GORASP1: variants seen among roughly 807,000 people sequenced by gnomAD.
GORASP1 encodes the protein golgi reassembly stacking protein 1, also known as Golgi reassembly-stacking protein 1.
Under a neutral mutation model 37.7 loss-of-function variants are expected in GORASP1, and 31 were observed. That is an observed-to-expected ratio of 0.82 (90% CI 0.62 to 1.11). GORASP1 has a LOEUF of 1.11. Among genes scored for constraint, GORASP1 ranks in the 50% least tolerant of loss-of-function variants. The probability of loss-of-function intolerance (pLI) is 0.00; values close to 1 mark genes in which losing one functional copy is unlikely to be tolerated. For synonymous variants in GORASP1, 204 were observed against 224.8 expected, an observed-to-expected ratio of 0.91 and a Z score of 0.83; for missense variants, 476 against 560.7, an observed-to-expected ratio of 0.85 and a Z score of 1.53.
chr3:39,099,069 GGAAA>G, intron 7 of GORASP1, 176 bp from the exon 8 acceptor site: 1 of 863,138 alleles, frequency 1.2e-6, no homozygotes, highest in Non-Finnish European at 1.9e-6. Context: ...CTGTTTCTGA[GGAAA>G]GAAAGGGGCC....
chr3:39,102,497 T>G lies in GORASP1; in HGVS notation c.348+181A>C. ...GCAAGATACACTGTTCAGGTAGTAATGAGCTGCCCTCTCTGGGACACTGGA... is the reference window on the plus strand; with the variant it reads ...GCAAGATACACTGTTCAGGTAGTAAGGAGCTGCCCTCTCTGGGACACTGGA... On this transcript the variant is annotated intron_variant, in intron 3 of 8. Coordinates refer to ENST00000319283, the MANE Select transcript of GORASP1 (RefSeq NM_031899.4). This position sits in a 1 kb window ranked among gnomAD's most constrained non-coding sequence, Gnocchi z 5.0. The G allele has an allele frequency of 3.1e-6, 2 of 644,348 alleles. No individual in the cohort carries two copies. The highest frequency in any genetic ancestry group is 5.5e-6 in the Non-Finnish European group (2 of 360,612). The allele number at this position is 644,348 out of a possible 1,614,324, so 39.9% of individuals were successfully genotyped here.
At position 39,106,513 on chromosome 3, in the gene GORASP1, T is replaced by C. The variant is rs919210840; in HGVS notation, c.63+966A>G. Among the ~76,000 whole-genome samples the C allele has an allele frequency of 3.3e-5, 5 of 152,264 alleles. No homozygotes were observed. The East Asian group carries it at 9.7e-4, about 29-fold the overall frequency. On this transcript the variant is annotated intron_variant, in intron 1 of 8. Transcript: ENST00000319283. ...CTGGGTTCTCCAAGCCAGCCTGGTTTTCACGTTAAGAAACTTTTAGCCCTC... is the reference window on the plus strand; with the variant it reads ...CTGGGTTCTCCAAGCCAGCCTGGTTCTCACGTTAAGAAACTTTTAGCCCTC...
At chr3:39,101,334 T>C in intron 3 of GORASP1, 1 of 606,224 alleles carries the variant, frequency 1.6e-6, no homozygotes, top group Admixed American at 2.6e-5. Flanking sequence ...CACCAGGCTC[T>C]GGAATCTGAC....
In GORASP1 at chr3:39,103,375, A is replaced by G. The variant is rs2035840412; in HGVS notation, c.144+98T>C. 1 of 899,108 alleles carries G rather than the reference A, an allele frequency of 1.1e-6. No homozygotes were observed. The highest frequency in any genetic ancestry group is 2.5e-5 in the East Asian group (1 of 40,630). 55.7% of individuals were successfully genotyped at this position (899,108 alleles called of 1,614,324 possible). ...ACAGGGCTGGGACTCCCTTTAGAAA[A>G]AAAGGGAGGGAAGGGTAGACTGGGG... On this transcript the variant is annotated intron_variant, in intron 2 of 8. Coordinates refer to ENST00000319283, the MANE Select transcript of GORASP1 (RefSeq NM_031899.4). This position sits in a 1 kb window ranked among gnomAD's most constrained non-coding sequence, Gnocchi z 5.2.
In GORASP1 at chr3:39,100,619, G is replaced by T; in HGVS notation, c.567-116C>A. 1 of 1,472,874 alleles carries T rather than the reference G, an allele frequency of 6.8e-7. No homozygotes were observed. The highest frequency in any genetic ancestry group is 9.2e-7 in the Non-Finnish European group (1 of 1,091,498). The allele number at this position is 1,472,874 out of a possible 1,614,324, so 91.2% of individuals were successfully genotyped here. On this transcript the variant is annotated intron_variant, in intron 5 of 8. Transcript: ENST00000319283. The surrounding 1 kb of genome is among the most constrained non-coding windows in gnomAD (Gnocchi z 4.6). ...CTGAAAAGGGTACTTCTGAAATACC[G>T]GTCAGCCTCAGGATCCCTGGGCCCA... is the stretch of plus-strand genomic sequence containing the variant.
Position 39,096,966 on chromosome 3 carries a change from C to T in GORASP1, c.*1270G>A, listed in dbSNP as rs1436962854. 2.6e-5 allele frequency: 4 copies of T among 152,254 alleles called. No homozygotes were observed. The highest frequency in any genetic ancestry group is 9.7e-5 in the African/African-American group (4 of 41,438). 9.4% of individuals were successfully genotyped at this position (152,254 alleles called of 1,614,324 possible). A position where few individuals can be genotyped will look rare whatever the true frequency, so the allele number is the denominator to read the frequency against. ...TTCCAGCAGACTTGACACTGGGCTC[C>T]CAGACGATCCAGGACACAATGCCTC... On this transcript the variant is annotated 3_prime_UTR_variant, in exon 9 of 9. Transcript: ENST00000319283.
At position 39,100,549 on chromosome 3, in the gene GORASP1, C is replaced by T. The variant is rs1308132635; in HGVS notation, c.567-46G>A. ...TCAATCCAGGGGCTTGTCCCACGGC[C>T]CTCCCTACCTTTGCTATCCCCACCT... On this transcript the variant is annotated intron_variant, in intron 5 of 8. Transcript: ENST00000319283. The surrounding 1 kb of genome is among the most constrained non-coding windows in gnomAD (Gnocchi z 4.6). 1.3e-6 allele frequency: 2 copies of T among 1,518,508 alleles called. No individual in the cohort carries two copies. Among genetic ancestry groups the T allele is most frequent in the Non-Finnish European group, 1.8e-6 (2 of 1,133,144 alleles). 94.1% of individuals were successfully genotyped at this position (1,518,508 alleles called of 1,614,324 possible). A position where few individuals can be genotyped will look rare whatever the true frequency, so the allele number is the denominator to read the frequency against.
rs989270413 is a variant in GORASP1 at position 39,101,356 on chromosome 3, C to T, written c.349-254G>A. ...CTCTGGAATCTGACCCCGGGCTCAA[C>T]CCCTGGCTCCAGCTGCCCAGCTATA... On this transcript the variant is annotated intron_variant, in intron 3 of 8. Coordinates refer to ENST00000319283, the MANE Select transcript of GORASP1 (RefSeq NM_031899.4). 1.8e-5 allele frequency: 11 copies of T among 598,068 alleles called. No individual in the cohort carries two copies. The Admixed American group carries it at 2.3e-4, about 12-fold the overall frequency. 37.0% of individuals were successfully genotyped at this position (598,068 alleles called of 1,614,324 possible). A position where few individuals can be genotyped will look rare whatever the true frequency, so the allele number is the denominator to read the frequency against.
chr3:39,107,327 G>T, intron 1 of GORASP1, 152 bp downstream of exon 1: 2 of 487,156 alleles, frequency 4.1e-6, no homozygotes, highest in South Asian at 7.0e-5. Context: ...CTCCCAGGAG[G>T]CTCCCACCGG....
intron 6 of GORASP1, among the ~76,000 whole-genome samples, 178 bp from the exon 7 acceptor site, chr3:39,099,681 G>A (rs181370388): frequency 1.3e-5 from 2 of 152,188 alleles, no homozygotes; most frequent in African/African-American, 4.8e-5. Flanking sequence ...AGTCAGGCCT[G>A]AGGGGCCTGG....
In GORASP1 at chr3:39,099,403, A is replaced by G. The variant is rs771912509; in HGVS notation, c.866T>C (p.Met289Thr). The G allele has an allele frequency of 6.2e-7, 1 of 1,613,482 alleles. No homozygotes were observed. The highest frequency in any genetic ancestry group is 8.5e-7 in the Non-Finnish European group (1 of 1,179,754). Residue 289 changes from methionine to threonine, a missense_variant, in exon 7 of 9, where the codon ATG becomes ACG. By Grantham distance (81) the Met-to-Thr change is moderately conservative. Coordinates refer to ENST00000319283, the MANE Select transcript of GORASP1 (RefSeq NM_031899.4). ...AGGTGGGGGCTGAAGAGGAGTCTCC[A>G]TGAAATGGGGAAGTCCATCAGGGTC... ...APDPDGLPHF[M>T]ETPLQPPPPV...
In GORASP1 at chr3:39,107,481, C is replaced by A. The variant is rs762460573; in HGVS notation, c.61G>T (p.Gly21Trp). Residue 21 changes from glycine to tryptophan, a missense_variant and splice_region_variant, in exon 1 of 9, where the codon GGG becomes TGG. Gly to Trp is a radical substitution (Grantham distance 184). Transcript: ENST00000319283. The part of the protein sequence containing the change: ...AGGAEGFHLH[G>W]VQENSPAQQA... ...CCGGCGCCGCGGCGGCAACTCACCC[C>A]GTGGAGGTGGAAGCCCTCGGCGCCG... is the stretch of plus-strand genomic sequence containing the variant. 2 of 1,428,732 alleles carry A rather than the reference C, an allele frequency of 1.4e-6. No individual in the cohort carries two copies. Among genetic ancestry groups the A allele is most frequent in the Non-Finnish European group, 1.8e-6 (2 of 1,097,808 alleles). The allele number at this position is 1,428,732 out of a possible 1,614,324, so 88.5% of individuals were successfully genotyped here. A position where few individuals can be genotyped will look rare whatever the true frequency, so the allele number is the denominator to read the frequency against.
In GORASP1 at chr3:39,098,358, C is replaced by T; in HGVS notation, c.1201G>A (p.Gly401Arg). 6.2e-7 allele frequency: 1 copy of T among 1,614,190 alleles called. No homozygotes were observed. Among genetic ancestry groups the T allele is most frequent in the African/African-American group, 1.3e-5 (1 of 75,046 alleles). Residue 401 changes from glycine (G) to arginine (R), a missense_variant, in exon 9 of 9, where the codon GGG (glycine) becomes AGG (arginine). Gly to Arg is a moderately radical substitution (Grantham distance 125). Transcript: ENST00000319283. The surrounding 1 kb of genome is among the most constrained non-coding windows in gnomAD (Gnocchi z 4.7). The part of the protein sequence containing the change: ...SLTSAASPED[G>R]LSAELLEAQA... ...GCTTCAAGCAGCTCGGCGGACAGCC[C>T]ATCTTCTGGTGAGGCTGCAGAGGTG...
Position 39,100,427 on chromosome 3 carries a change from C to T in GORASP1, c.643G>A (p.Gly215Ser). The T allele has an allele frequency of 6.2e-7, 1 of 1,612,324 alleles. No homozygotes were observed. The highest frequency in any genetic ancestry group is 8.5e-7 in the Non-Finnish European group (1 of 1,179,004). ...GGTAGAGCAGAAGGTGGTGGGGTGC[C>T]AGGTGGCTTCTTGTGGTAGCTGGGG... ...QPPSYHKKPPGTPPPSALPLG... is the reference protein window; with the variant it reads ...QPPSYHKKPPSTPPPSALPLG... Residue 215 changes from glycine to serine, a missense_variant, in exon 6 of 9, where the codon GGC becomes AGC. By Grantham distance (56) the Gly-to-Ser change is moderately conservative. Transcript: ENST00000319283. The surrounding 1 kb of genome is among the most constrained non-coding windows in gnomAD (Gnocchi z 4.6).
At chr3:39,107,125 G>A (rs772073152) in intron 1 of GORASP1, 7 of 494,024 alleles carry the variant, frequency 1.4e-5, no homozygotes, top group Non-Finnish European at 2.4e-5. Context: ...CGGCAGGCGA[G>A]CGTAAATGTG....
At chr3:39,107,432 G>A (rs1202694729) in intron 1 of GORASP1, 47 bp downstream of exon 1, 11 of 1,235,148 alleles carry the variant, frequency 8.9e-6, no homozygotes, top group African/African-American at 1.6e-5. Flanking sequence ...CGGGCGCGGG[G>A]TTGCGGGCGC....
At position 39,102,021 on chromosome 3, in the gene GORASP1, G is replaced by A. The variant is rs2035751237; in HGVS notation, c.348+657C>T. ...TATATTTACAGTCACATTGCTTAAT[G>A]ACAGGGATATATTCTGAGAAATGCA... On this transcript the variant is annotated intron_variant, in intron 3 of 8. Coordinates refer to ENST00000319283, the MANE Select transcript of GORASP1 (RefSeq NM_031899.4). This position sits in a 1 kb window ranked among gnomAD's most constrained non-coding sequence, Gnocchi z 5.0. Among the ~76,000 whole-genome samples, 2 of 152,152 alleles carry A rather than the reference G, an allele frequency of 1.3e-5. No individual in the cohort carries two copies. Among genetic ancestry groups the A allele is most frequent in the South Asian group, 4.1e-4 (2 of 4,836 alleles).
chr3:39,107,584 C>T lies in GORASP1; in HGVS notation c.-43G>A. 1 of 1,472,828 alleles carries T rather than the reference C, an allele frequency of 6.8e-7. No homozygotes were observed. The highest frequency in any genetic ancestry group is 9.0e-7 in the Non-Finnish European group (1 of 1,116,062). 91.2% of individuals were successfully genotyped at this position (1,472,828 alleles called of 1,614,324 possible). ...GCACCCAGGTCCAGTCCCGCTGCGC[C>T]TACCCGGACCGACCCGACGCCAGTA... On this transcript the variant is annotated 5_prime_UTR_variant, in exon 1 of 9. Transcript: ENST00000319283.
rs1352408376 is a variant in GORASP1, at chr3:39,102,491, T to C, written c.348+187A>G. The C allele has an allele frequency of 1.6e-6, 1 of 633,334 alleles. No homozygotes were observed. 39.2% of individuals were successfully genotyped at this position (633,334 alleles called of 1,614,324 possible). ...CAGGAAGCAAGATACACTGTTCAGG[T>C]AGTAATGAGCTGCCCTCTCTGGGAC... On this transcript the variant is annotated intron_variant, in intron 3 of 8. Coordinates refer to ENST00000319283, the MANE Select transcript of GORASP1 (RefSeq NM_031899.4). This position sits in a 1 kb window ranked among gnomAD's most constrained non-coding sequence, Gnocchi z 5.0.
Sources: allele counts gnomAD v4.1 joint callset (sites outside exome capture counted in the v4.1 genomes callset), GRCh38; gene constraint gnomAD v4.1.1; non-coding constraint Gnocchi (gnomAD v3.1); transcripts MANE v1.5; gene names NCBI Gene and HGNC (gene_info 2026-07-23, HGNC 2026-07-21).